Variants in SIRPA observed in about 807,000 individuals in gnomAD.
SIRPA encodes the protein tyrosine-protein phosphatase non-receptor type substrate 1.
A neutral mutation model predicts 50.3 loss-of-function variants in SIRPA; 9 were observed. That is an observed-to-expected ratio of 0.18 (90% CI 0.11 to 0.31). The LOEUF (loss-of-function observed/expected upper bound fraction) is 0.31. Among genes scored for constraint, SIRPA ranks in the 10% least tolerant of loss-of-function variants. SIRPA has a pLI of 1.00. For synonymous variants in SIRPA, 265 were observed against 284.1 expected, an observed-to-expected ratio of 0.93 and a Z score of 0.68; for missense variants, 474 against 661.6, an observed-to-expected ratio of 0.72 and a Z score of 3.11.
chr20:1,894,983 G>C (rs1267648598), upstream of SIRPA, among the ~76,000 whole-genome samples: 1 of 147,528 alleles, frequency 6.8e-6, no homozygotes, highest in East Asian at 2.0e-4. This position sits in a 1 kb window ranked among gnomAD's most constrained non-coding sequence, Gnocchi z 4.0. Flanking sequence ...AGCGGCGGGG[G>C]CGGCTCCGCG....
intron 1 of SIRPA, among the ~76,000 whole-genome samples, chr20:1,903,523 T>C (rs1278274085): frequency 6.6e-6 from 1 of 152,164 alleles, no homozygotes; most frequent in Admixed American, 6.5e-5. Flanking sequence ...GTGAATCAAG[T>C]CATCTTTGGT....
chr20:1,928,703 T>G lies in SIRPA; in HGVS notation c.1226+804T>G, dbSNP rs1986136340. 6.6e-6 allele frequency among the ~76,000 whole-genome samples: 1 copy of G among 151,996 alleles called. No homozygotes were observed. The highest frequency in any genetic ancestry group is 6.5e-5 in the Admixed American group (1 of 15,268). ...GGGGATGCAAACGGGTGCCTGAAAC[T>G]AGTGAGCTATGTTGGACAGGAGCAT... On this transcript the variant is annotated intron_variant, in intron 6 of 7. Transcript: ENST00000358771. The surrounding 1 kb of genome is among the most constrained non-coding windows in gnomAD (Gnocchi z 4.9).
chr20:1,938,946 T>G lies in SIRPA; in HGVS notation c.*1378T>G, dbSNP rs990555953. 6.5e-6 allele frequency: 1 copy of G among 152,730 alleles called. No individual in the cohort carries two copies. The highest frequency in any genetic ancestry group is 6.5e-5 in the Admixed American group (1 of 15,284). 9.5% of individuals were successfully genotyped at this position (152,730 alleles called of 1,614,324 possible). ...CATCCCGGCTTTCTGAGCTGATCCT[T>G]GAAGAAGAAATCTTCCATTTCTGCT... is the stretch of plus-strand genomic sequence containing the variant. On this transcript the variant is annotated 3_prime_UTR_variant, in exon 8 of 8. Coordinates refer to ENST00000358771, the MANE Select transcript of SIRPA (RefSeq NM_001040023.2).
rs994588280 is a variant in SIRPA, at chr20:1,939,494, A to G, written c.*1926A>G. ...GCTCAGGCTAGTTCCAAATTCCAAAAGATTGGCTTGTAAACCTTCGTCTCC... is the reference window on the plus strand; with the variant it reads ...GCTCAGGCTAGTTCCAAATTCCAAAGGATTGGCTTGTAAACCTTCGTCTCC... On this transcript the variant is annotated 3_prime_UTR_variant, in exon 8 of 8. Coordinates refer to ENST00000358771, the MANE Select transcript of SIRPA (RefSeq NM_001040023.2). The surrounding 1 kb of genome is among the most constrained non-coding windows in gnomAD (Gnocchi z 4.7). The G allele has an allele frequency of 3.3e-5, 5 of 152,370 alleles. No homozygotes were observed. Among genetic ancestry groups the G allele is most frequent in the Middle Eastern group, 3.4e-3 (1 of 294 alleles). The allele number at this position is 152,370 out of a possible 1,614,324, so 9.4% of individuals were successfully genotyped here.
intron 4 of SIRPA, among the ~76,000 whole-genome samples, chr20:1,923,215 C>T (rs992485637): frequency 3.9e-5 from 6 of 152,352 alleles, no homozygotes; most frequent in Middle Eastern, 3.4e-3. Context: ...ATAATGCTGT[C>T]GCTCCCCTGA....
chr20:1,936,316 G>T lies in SIRPA; in HGVS notation c.1267-1004G>T, dbSNP rs567945518. Among the ~76,000 whole-genome samples the T allele has an allele frequency of 6.6e-6, 1 of 152,298 alleles. No individual in the cohort carries two copies. Among genetic ancestry groups the T allele is most frequent in the African/African-American group, 2.4e-5 (1 of 41,554 alleles). On this transcript the variant is annotated intron_variant, in intron 7 of 7. Transcript: ENST00000358771. This position sits in a 1 kb window ranked among gnomAD's most constrained non-coding sequence, Gnocchi z 4.2. ...AGTTTGCTAAGTGGTTAATGATTGC[G>T]AACATTTATTGAAGACAGATGCTCA...
rs577278338 is a variant in SIRPA at position 1,922,524 on chromosome 20, C to G, written c.966C>G (p.Ala322=). The change falls in exon 4 of 8, where the codon GCC becomes GCG. Residue 322 remains alanine (A), a synonymous_variant. Transcript: ENST00000358771. ...GCTGGCTCCTGGTGAATGTATCTGCCCACAGGGATGATGTGAAGCTCACCT... is the reference window on the plus strand; with the variant it reads ...GCTGGCTCCTGGTGAATGTATCTGCGCACAGGGATGATGTGAAGCTCACCT... ...WMSWLLVNVS[A]HRDDVKLTCQ... is the part of the protein sequence containing the mutation. 38 of 1,614,170 alleles carry G rather than the reference C, an allele frequency of 2.4e-5. No homozygotes were observed. The highest frequency in any genetic ancestry group is 2.9e-5 in the Non-Finnish European group (34 of 1,180,036).
rs11395264 is a variant in SIRPA at position 1,933,401 on chromosome 20, A to ACCCCCCC, written c.1227-1310_1227-1304dup. Among the ~76,000 whole-genome samples the ACCCCCCC allele has an allele frequency of 7.2e-6, 1 of 139,638 alleles. No individual in the cohort carries two copies. Among genetic ancestry groups the ACCCCCCC allele is most frequent in the Non-Finnish European group, 1.6e-5 (1 of 63,670 alleles). 91.6% of individuals were successfully genotyped at this position (139,638 alleles called of 152,430 possible). A position where few individuals can be genotyped will look rare whatever the true frequency, so the allele number is the denominator to read the frequency against. On this transcript the variant is annotated intron_variant, in intron 6 of 7. Coordinates refer to ENST00000358771, the MANE Select transcript of SIRPA (RefSeq NM_001040023.2). This position sits in a 1 kb window ranked among gnomAD's most constrained non-coding sequence, Gnocchi z 4.4. ...CATGAAGTACATAACATCAAATGCC[A>ACCCCCCC]CCCCCCCCCCGAAATATCTGGTGGG...
chr20:1,926,295 T>G (rs1219548903), intron 5 of SIRPA, among the ~76,000 whole-genome samples: 1 of 152,242 alleles, frequency 6.6e-6, no homozygotes, highest in African/African-American at 2.4e-5. Context: ...GGACTCCTCC[T>G]TGGATGGGGA....
At chr20:1,912,869 G>T (rs1984983235) in intron 1 of SIRPA, among the ~76,000 whole-genome samples, 1 of 152,214 alleles carries the variant, frequency 6.6e-6, no homozygotes, top group Admixed American at 6.5e-5. Context: ...CTGAAATACA[G>T]ACCTATCCGG....
At chr20:1,907,404 G>A (rs1269003782) in intron 1 of SIRPA, among the ~76,000 whole-genome samples, 2 of 152,192 alleles carry the variant, frequency 1.3e-5, no homozygotes, top group Non-Finnish European at 2.9e-5. Context: ...CAGGGCGCTA[G>A]GTTAGCCCAG....
chr20:1,937,781 T>G lies in SIRPA; in HGVS notation c.*213T>G. On this transcript the variant is annotated 3_prime_UTR_variant, in exon 8 of 8. Coordinates refer to ENST00000358771, the MANE Select transcript of SIRPA (RefSeq NM_001040023.2). The surrounding 1 kb of genome is among the most constrained non-coding windows in gnomAD (Gnocchi z 8.3). ...GGCCCCCTCCCCCCACATTGCCACA[T>G]ACCTGGAGGCTGACGTTGCCAAACC... 1.6e-6 allele frequency: 1 copy of G among 625,330 alleles called. No individual in the cohort carries two copies. The allele number at this position is 625,330 out of a possible 1,614,324, so 38.7% of individuals were successfully genotyped here.
intron 5 of SIRPA, among the ~76,000 whole-genome samples, chr20:1,926,865 C>G (rs1986009796): frequency 6.6e-6 from 1 of 152,202 alleles, no homozygotes; most frequent in Admixed American, 6.5e-5. Context: ...GGGGTCTGCC[C>G]AGCCTCTCAA....
Position 1,900,101 on chromosome 20 carries a change from T to C in SIRPA, c.79+4575T>C, listed in dbSNP as rs1043769280. On this transcript the variant is annotated intron_variant, in intron 1 of 7. Transcript: ENST00000358771. The stretch of plus-strand genomic sequence containing the variant: ...ATATTTTCCTTGTAGCTTTTTTTTT[T>C]TCTTTTTTTTTTTTTTGAGATGGAG... 2.3e-3 allele frequency among the ~76,000 whole-genome samples: 315 copies of C among 137,950 alleles called. 4 individuals are homozygous for C. Among genetic ancestry groups the C allele is most frequent in the African/African-American group, 9.6e-3 (303 of 31,408 alleles). The allele number at this position is 137,950 out of a possible 152,430, so 90.5% of individuals were successfully genotyped here.
At chr20:1,926,546 C>G (rs1985992004) in intron 5 of SIRPA, among the ~76,000 whole-genome samples, 1 of 152,242 alleles carries the variant, frequency 6.6e-6, no homozygotes, top group Admixed American at 6.5e-5. Context: ...GAGCCTAGCT[C>G]TCAAACACAG....
In SIRPA at chr20:1,936,142, C is replaced by G. The variant is rs529424245; in HGVS notation, c.1267-1178C>G. On this transcript the variant is annotated intron_variant, in intron 7 of 7. Transcript: ENST00000358771. The surrounding 1 kb of genome is among the most constrained non-coding windows in gnomAD (Gnocchi z 4.2). ...AACTGAAATCAGCCATTACCGTGCA[C>G]CAACTAGGAGGTGTGCCGGTTGGTG... 1.3e-5 allele frequency among the ~76,000 whole-genome samples: 2 copies of G among 152,160 alleles called. No individual in the cohort carries two copies. The highest frequency in any genetic ancestry group is 1.3e-4 in the Admixed American group (2 of 15,278).
chr20:1,925,181 G>C (rs1985907957), intron 5 of SIRPA, among the ~76,000 whole-genome samples: 1 of 152,216 alleles, frequency 6.6e-6, no homozygotes, highest in Non-Finnish European at 1.5e-5. Context: ...CTTCTTACCT[G>C]TCTCAGGGAG....
At chr20:1,919,412 G>A (rs1216773074) in intron 2 of SIRPA, among the ~76,000 whole-genome samples, 3 of 152,144 alleles carry the variant, frequency 2.0e-5, no homozygotes, top group African/African-American at 4.8e-5. Flanking sequence ...TGGGAGAACA[G>A]CTTTTCAGGG....
Position 1,940,039 on chromosome 20 carries a change from T to C in SIRPA, c.*2471T>C, listed in dbSNP as rs1986791522. 1 of 152,172 alleles carries C rather than the reference T, an allele frequency of 6.6e-6. No homozygotes were observed. The highest frequency in any genetic ancestry group is 6.5e-5 in the Admixed American group (1 of 15,272). 9.4% of individuals were successfully genotyped at this position (152,172 alleles called of 1,614,324 possible). On this transcript the variant is annotated 3_prime_UTR_variant, in exon 8 of 8. Coordinates refer to ENST00000358771, the MANE Select transcript of SIRPA (RefSeq NM_001040023.2). The stretch of plus-strand genomic sequence containing the variant: ...ACCTACAGCATTTGAGCCCCTCACG[T>C]AGGTTTTAGAGACGTACAATTTTTG...
Sources: allele counts gnomAD v4.1 joint callset (sites outside exome capture counted in the v4.1 genomes callset), GRCh38; gene constraint gnomAD v4.1.1; non-coding constraint Gnocchi (gnomAD v3.1); transcripts MANE v1.5; gene names NCBI Gene and HGNC (gene_info 2026-07-23, HGNC 2026-07-21).